The following ALDH16A1 variants were observed in gnomAD, a reference collection of about 807,000 sequenced individuals.
The protein encoded by ALDH16A1 is aldehyde dehydrogenase family 16 member A1.
ALDH16A1 carries 88 observed loss-of-function variants against 96.1 expected under a neutral mutation model. The ratio of observed to expected loss-of-function variants is 0.92; its 90% confidence interval spans 0.77 to 1.09. The LOEUF (loss-of-function observed/expected upper bound fraction) is 1.09, where lower values mean the gene tolerates loss of function less well. ALDH16A1 is among the 50% of genes least tolerant of loss of function. The pLI, the probability that ALDH16A1 is intolerant of heterozygous loss-of-function variation, is 0.00. For missense variants in ALDH16A1, 1,250 were observed against 1,112.6 expected (o/e 1.12, Z -1.76); for synonymous variants, 522 against 496.4 (o/e 1.05, Z -0.69).
Position 49,464,034 on chromosome 19 carries a change from A to G in ALDH16A1, c.1194+85A>G, listed in dbSNP as rs2293008. ...GCCTGGGGAAGCCCTTGGGGTAACC[A>G]TGTGACCTGGGCGTGGGGGCTGCTG... On this transcript the variant is annotated intron_variant, in intron 9 of 16. Coordinates refer to ENST00000293350, the MANE Select transcript of ALDH16A1 (RefSeq NM_153329.4). 36,542 of 1,575,980 alleles carry G rather than the reference A, an allele frequency of 0.023. 3,962 individuals carry two copies. In the African/African-American group the frequency reaches 0.27, roughly 12 times the overall value.
At position 49,464,523 on chromosome 19, in the gene ALDH16A1, GT is replaced by G; in HGVS notation, c.1437+2del. 1.2e-6 allele frequency: 2 copies of G among 1,613,822 alleles called. No individual in the cohort carries two copies. Among genetic ancestry groups the G allele is most frequent in the Non-Finnish European group, 8.5e-7 (1 of 1,179,938 alleles). On this transcript the variant is annotated splice_donor_variant, in intron 11 of 16. Transcript: ENST00000293350. LOFTEE classifies it high-confidence loss of function. ...GTGTTCCTGGCACGGGGGCCCAGAC[GT>G]GAGTACATCCCCTCCCCGTCACCAG...
In ALDH16A1 at chr19:49,470,778, A is replaced by ACG; in HGVS notation, c.*311_*312insCG. The ACG allele has an allele frequency of 4.2e-6, 1 of 239,606 alleles. No homozygotes were observed. The highest frequency in any genetic ancestry group is 1.1e-4 in the South Asian group (1 of 9,044). 14.8% of individuals were successfully genotyped at this position (239,606 alleles called of 1,614,324 possible). A position where few individuals can be genotyped will look rare whatever the true frequency, so the allele number is the denominator to read the frequency against. ...ATCCTCATGCCTCAGCCTCATATGT[A>ACG]GCTGGGGCCACAGACATGCACCACC... On this transcript the variant is annotated 3_prime_UTR_variant, in exon 17 of 17. Coordinates refer to ENST00000293350, the MANE Select transcript of ALDH16A1 (RefSeq NM_153329.4).
At position 49,468,671 on chromosome 19, in the gene ALDH16A1, T is replaced by A; in HGVS notation, c.2124+105T>A. On this transcript the variant is annotated intron_variant, in intron 15 of 16. Coordinates refer to ENST00000293350, the MANE Select transcript of ALDH16A1 (RefSeq NM_153329.4). The surrounding 1 kb of genome is among the most constrained non-coding windows in gnomAD (Gnocchi z 4.4). The stretch of plus-strand genomic sequence containing the variant: ...TTGTCTCTTACCCCACCCTCCGTGG[T>A]ACCCATGCTGCCCCCAGCCCCAGCA... 7 of 1,448,392 alleles carry A rather than the reference T, an allele frequency of 4.8e-6. No individual in the cohort carries two copies. The highest frequency in any genetic ancestry group is 6.5e-6 in the Non-Finnish European group (7 of 1,070,966). 89.7% of individuals were successfully genotyped at this position (1,448,392 alleles called of 1,614,324 possible). A position where few individuals can be genotyped will look rare whatever the true frequency, so the allele number is the denominator to read the frequency against.
At chr19:49,469,106 C>T in intron 16 of ALDH16A1, 120 bp downstream of exon 16, 2 of 1,436,238 alleles carry the variant, frequency 1.4e-6, no homozygotes, top group Non-Finnish European at 1.9e-6. Context: ...AACTCCTTGA[C>T]AAGAAGGTTT....
chr19:49,465,954 G>T (rs982299484), intron 13 of ALDH16A1, 49 bp downstream of exon 13: 1 of 1,585,816 alleles, frequency 6.3e-7, no homozygotes, highest in Non-Finnish European at 8.6e-7. Flanking sequence ...GGCAGAGAGG[G>T]GAGCCTGCCC....
Position 49,461,999 on chromosome 19 carries a change from A to T in ALDH16A1, c.875A>T (p.Glu292Val). 1.9e-6 allele frequency: 3 copies of T among 1,546,430 alleles called. No individual in the cohort carries two copies. Among genetic ancestry groups the T allele is most frequent in the Non-Finnish European group, 2.6e-6 (3 of 1,149,690 alleles). ...TDTADVDSAV[E>V]GVVDAAWSDR... ...ACGGCGGACGTAGACTCGGCCGTGG[A>T]GGGTGTCGTGGACGCCGCCTGGTCC... The change falls in exon 7 of 17, where the codon GAG becomes GTG. Residue 292 changes from glutamate (E) to valine (V), a missense_variant. Physicochemically the swap from Glu to Val is moderately radical, Grantham distance 121. Transcript: ENST00000293350.
chr19:49,459,860 G>T lies in ALDH16A1; in HGVS notation c.499+12G>T, dbSNP rs751551564. Reference sequence around the variant, plus strand: ...CTGGGAGCCCATGGGTGAGACCCTGGAGTCCCTAGCCCTATCCTCCCACAT... The same window carrying T: ...CTGGGAGCCCATGGGTGAGACCCTGTAGTCCCTAGCCCTATCCTCCCACAT... On this transcript the variant is annotated intron_variant, in intron 4 of 16. Coordinates refer to ENST00000293350, the MANE Select transcript of ALDH16A1 (RefSeq NM_153329.4). This position sits in a 1 kb window ranked among gnomAD's most constrained non-coding sequence, Gnocchi z 4.1. 3 of 1,611,950 alleles carry T rather than the reference G, an allele frequency of 1.9e-6. No homozygotes were observed. Among genetic ancestry groups the T allele is most frequent in the Non-Finnish European group, 2.5e-6 (3 of 1,179,344 alleles).
At chr19:49,464,365 C>T (rs371313328) in intron 10 of ALDH16A1, 52 bp from the exon 11 acceptor site, 18 of 1,562,750 alleles carry the variant, frequency 1.2e-5, no homozygotes, top group East Asian at 7.1e-5. Context: ...ACCCCTCTCC[C>T]GGCCTGCCAC....
At chr19:49,461,824 GCGGAACGCGGC>G in intron 6 of ALDH16A1, 24 bp downstream of exon 6, 3 of 1,605,776 alleles carry the variant, frequency 1.9e-6, no homozygotes, top group Non-Finnish European at 2.6e-6. Flanking sequence ...AGGGGTCGTG[GCGGAACGCGGC>G]TGGGGGCCGC....
intron 16 of ALDH16A1, chr19:49,470,071 T>A: frequency 1.9e-6 from 1 of 514,288 alleles, no homozygotes; most frequent in South Asian, 2.4e-5. Flanking sequence ...GACAAGAGCC[T>A]TGGGGCCCAT....
Position 49,453,322 on chromosome 19 carries a change from G to C in ALDH16A1, c.-10G>C, listed in dbSNP as rs764352381. On this transcript the variant is annotated 5_prime_UTR_variant, in exon 1 of 17. Transcript: ENST00000293350. ...CCCGCAGTCTTCGCGGAAAGCGTTC[G>C]GGGTAGGCGATGGCTGCGACGCGTG... 198 of 1,555,102 alleles carry C rather than the reference G, an allele frequency of 1.3e-4. 3 individuals are homozygous for C. In the East Asian group the frequency reaches 4.4e-3, roughly 35 times the overall value.
chr19:49,453,435 C>G lies in ALDH16A1; in HGVS notation c.90+14C>G, dbSNP rs757060643. 25 of 1,518,202 alleles carry G rather than the reference C, an allele frequency of 1.6e-5. No homozygotes were observed. In the South Asian group the frequency reaches 2.8e-4, roughly 17 times the overall value. The allele number at this position is 1,518,202 out of a possible 1,614,324, so 94.0% of individuals were successfully genotyped here. A position where few individuals can be genotyped will look rare whatever the true frequency, so the allele number is the denominator to read the frequency against. On this transcript the variant is annotated intron_variant, in intron 1 of 16. Transcript: ENST00000293350. ...GCATGCGCACTGGTGAGAGTCTGCC[C>G]GGCCGGCGCTGCTCGCTGCGTTCCC...
rs201699720 is a variant in ALDH16A1 at position 49,468,387 on chromosome 19, G to T, written c.1945G>T (p.Gly649Trp). The T allele has an allele frequency of 2.5e-6, 4 of 1,598,592 alleles. No homozygotes were observed. Among genetic ancestry groups the T allele is most frequent in the East Asian group, 2.2e-5 (1 of 44,844 alleles). Reference protein sequence around the residue: ...QAQGHTLQVAGLRGPVLRLRE... With the variant: ...QAQGHTLQVAWLRGPVLRLRE... ...GACCCACCTGTCCCTGCAGGTAGCC[G>T]GGCTGAGAGGCCCTGTGCTGCGCCT... Residue 649 changes from glycine (G) to tryptophan (W), a missense_variant, in exon 15 of 17, where the codon GGG becomes TGG. By Grantham distance (184) the Gly-to-Trp change is radical. Transcript: ENST00000293350. This position sits in a 1 kb window ranked among gnomAD's most constrained non-coding sequence, Gnocchi z 4.4.
Position 49,468,588 on chromosome 19 carries a change from C to T in ALDH16A1, c.2124+22C>T. The T allele has an allele frequency of 6.3e-7, 1 of 1,599,032 alleles. No homozygotes were observed. The highest frequency in any genetic ancestry group is 1.7e-5 in the Admixed American group (1 of 59,846). ...CCAGGTATAGCCCCCTGCCTTCCTG[C>T]CTCTCCTCCCCGTAGCCTCAGGGCA... is the stretch of plus-strand genomic sequence containing the variant. On this transcript the variant is annotated intron_variant, in intron 15 of 16. Transcript: ENST00000293350. The surrounding 1 kb of genome is among the most constrained non-coding windows in gnomAD (Gnocchi z 4.4).
chr19:49,459,366 C>A lies in ALDH16A1; in HGVS notation c.320+280C>A, dbSNP rs1017694199. 3.3e-5 allele frequency among the ~76,000 whole-genome samples: 5 copies of A among 152,224 alleles called. No individual in the cohort carries two copies. The highest frequency in any genetic ancestry group is 7.3e-5 in the Non-Finnish European group (5 of 68,050). On this transcript the variant is annotated intron_variant, in intron 3 of 16. Coordinates refer to ENST00000293350, the MANE Select transcript of ALDH16A1 (RefSeq NM_153329.4). The surrounding 1 kb of genome is among the most constrained non-coding windows in gnomAD (Gnocchi z 4.1). Reference sequence around the variant, plus strand: ...TGAAGCCCCTAAATCCATTTCCTAGCCGCTTGCGGGGAAGCTAGAGACAAA... The same window carrying A: ...TGAAGCCCCTAAATCCATTTCCTAGACGCTTGCGGGGAAGCTAGAGACAAA...
In ALDH16A1 at chr19:49,461,880, C is replaced by T. The variant is rs767947753; in HGVS notation, c.760-4C>T. ...CCTGCGGCTGAACTGGGGGGGGTCC[C>T]TAGGAAGGGCGTGCCCTTCGACGGA... On this transcript the variant is annotated splice_region_variant and splice_polypyrimidine_tract_variant and intron_variant, in intron 6 of 16. Transcript: ENST00000293350. 4.4e-6 allele frequency: 7 copies of T among 1,587,070 alleles called. No homozygotes were observed. In the African/African-American group the frequency reaches 6.8e-5, roughly 15 times the overall value.
At chr19:49,470,079 C>A in intron 16 of ALDH16A1, 1 of 535,480 alleles carries the variant, frequency 1.9e-6, no homozygotes, top group Non-Finnish European at 3.3e-6. Context: ...CCTTGGGGCC[C>A]ATTCCTTTCA....
intron 1 of ALDH16A1, among the ~76,000 whole-genome samples, chr19:49,457,318 C>T (rs976543572): frequency 3.3e-5 from 5 of 151,714 alleles, no homozygotes; most frequent in African/African-American, 4.8e-5. Flanking sequence ...GAGGCCGAGG[C>T]GGGCGGATCA....
chr19:49,458,238 A>G, intron 1 of ALDH16A1, among the ~76,000 whole-genome samples: 1 of 152,084 alleles, frequency 6.6e-6, no homozygotes, highest in Non-Finnish European at 1.5e-5. Context: ...AAATGAAAAA[A>G]TGTTCTAGAA....
Sources: allele counts gnomAD v4.1 joint callset (sites outside exome capture counted in the v4.1 genomes callset), GRCh38; gene constraint gnomAD v4.1.1; non-coding constraint Gnocchi (gnomAD v3.1); transcripts MANE v1.5; gene names NCBI Gene and HGNC (gene_info 2026-07-23, HGNC 2026-07-21).